NEGR1: variants seen among roughly 807,000 people sequenced by gnomAD.
NEGR1 encodes the protein neuronal growth regulator 1, also known as IgLON family member 4.
In NEGR1, 10 loss-of-function variants were observed where a neutral mutation model predicts 40.9. The ratio of observed to expected loss-of-function variants is 0.24; its 90% confidence interval spans 0.15 to 0.42. The LOEUF is 0.42. Ranked by LOEUF, NEGR1 falls within the 10% of genes least tolerant of loss-of-function variation. NEGR1 has a pLI of 1.00. For missense variants in NEGR1, 352 were observed against 438.9 expected, an observed-to-expected ratio of 0.80 and a Z score of 1.77; for synonymous variants, 185 against 166.8, an observed-to-expected ratio of 1.11 and a Z score of -0.84.
chr1:71,454,717 G>C (rs1237277640), intron 6 of NEGR1, among the ~76,000 whole-genome samples: 1 of 152,172 alleles, frequency 6.6e-6, no homozygotes, highest in African/African-American at 2.4e-5. Flanking sequence ...AATTATGTAA[G>C]CTTGAACAGA....
intron 1 of NEGR1, among the ~76,000 whole-genome samples, chr1:72,154,040 G>A (rs180735315): frequency 1.3e-5 from 2 of 151,860 alleles, no homozygotes; most frequent in African/African-American, 4.8e-5. Context: ...AGTGTTGAAT[G>A]AGTGGAGACA....
intron 4 of NEGR1, among the ~76,000 whole-genome samples, chr1:71,676,763 C>T (rs1652654665): frequency 6.6e-6 from 1 of 152,142 alleles, no homozygotes; most frequent in Non-Finnish European, 1.5e-5. Context: ...TCTAAGCCCC[C>T]TTTATAGATC....
At chr1:72,042,866 C>T (rs1646968351) in intron 1 of NEGR1, among the ~76,000 whole-genome samples, 1 of 151,986 alleles carries the variant, frequency 6.6e-6, no homozygotes, top group African/African-American at 2.4e-5. Context: ...TCTAAACTAG[C>T]TATAACCCAA....
intron 1 of NEGR1, among the ~76,000 whole-genome samples, chr1:71,960,084 C>G (rs1026687098): frequency 6.6e-6 from 1 of 151,988 alleles, no homozygotes; most frequent in African/African-American, 2.4e-5. Context: ...GCATATATTC[C>G]CTTTGAAAGG....
chr1:71,765,855 G>A (rs1266999744), intron 3 of NEGR1, among the ~76,000 whole-genome samples: 1 of 152,098 alleles, frequency 6.6e-6, no homozygotes, highest in African/African-American at 2.4e-5. Flanking sequence ...AAACAAAAGT[G>A]AGCAGTGTCA....
chr1:72,070,130 T>G (rs915145587), intron 1 of NEGR1, among the ~76,000 whole-genome samples: 1 of 152,064 alleles, frequency 6.6e-6, no homozygotes, highest in African/African-American at 2.4e-5. Context: ...ATGTATTTAA[T>G]ATTTAAAATA....
chr1:71,772,713 T>C (rs1181598267), intron 3 of NEGR1, among the ~76,000 whole-genome samples: 3 of 152,112 alleles, frequency 2.0e-5, no homozygotes, highest in Non-Finnish European at 4.4e-5. Context: ...AACACGGAGA[T>C]ATCTAGAGAT....
intron 6 of NEGR1, among the ~76,000 whole-genome samples, chr1:71,418,241 G>GCACATTTT (rs1052266998): frequency 2.6e-5 from 4 of 151,564 alleles, no homozygotes; most frequent in Non-Finnish European, 4.4e-5. Context: ...GGTAGAGAAT[G>GCACATTTT]CAACTTTCAA....
At chr1:71,476,633 A>T (rs928160003) in intron 6 of NEGR1, among the ~76,000 whole-genome samples, 1 of 152,104 alleles carries the variant, frequency 6.6e-6, no homozygotes, top group Non-Finnish European at 1.5e-5. Flanking sequence ...CATTTAGGTG[A>T]CCAACTGTGT....
intron 2 of NEGR1, among the ~76,000 whole-genome samples, chr1:71,928,313 T>C (rs1273865034): frequency 5.4e-5 from 6 of 110,608 alleles, no homozygotes; most frequent in African/African-American, 9.5e-5. Context: ...TATACACACA[T>C]ATGTATATAC....
chr1:71,578,205 C>T (rs537213401), intron 6 of NEGR1, among the ~76,000 whole-genome samples: 11 of 152,234 alleles, frequency 7.2e-5, no homozygotes, highest in East Asian at 3.9e-4. Context: ...GCTCTCTCAT[C>T]GTGCTCCTAT....
At chr1:71,664,658 T>C (rs1481246403) in intron 4 of NEGR1, among the ~76,000 whole-genome samples, 1 of 152,114 alleles carries the variant, frequency 6.6e-6, no homozygotes, top group Non-Finnish European at 1.5e-5. Context: ...TGAAACCTTA[T>C]GAAAATTCAT....
intron 6 of NEGR1, among the ~76,000 whole-genome samples, chr1:71,556,947 T>G (rs1366066954): frequency 3.3e-5 from 5 of 151,670 alleles, no homozygotes; most frequent in Non-Finnish European, 7.4e-5. Context: ...ATTTTTATTT[T>G]GCGTGAAGTG....
At chr1:71,455,732 A>G (rs1285615515) in intron 6 of NEGR1, among the ~76,000 whole-genome samples, 1 of 152,070 alleles carries the variant, frequency 6.6e-6, no homozygotes, top group East Asian at 1.9e-4. Context: ...TCAAAAAAAA[A>G]TCTTTTGAGT....
intron 6 of NEGR1, among the ~76,000 whole-genome samples, chr1:71,524,825 G>T (rs1647198247): frequency 6.6e-6 from 1 of 151,764 alleles, no homozygotes; most frequent in Non-Finnish European, 1.5e-5. Context: ...AAGAGTCAGT[G>T]TCACCGTGAT....
intron 2 of NEGR1, among the ~76,000 whole-genome samples, chr1:71,785,968 C>G (rs1327732041): frequency 6.6e-6 from 1 of 152,112 alleles, no homozygotes; most frequent in Non-Finnish European, 1.5e-5. Flanking sequence ...GTGTTTTATG[C>G]ATTTGCAGAG....
At chr1:72,108,343 C>G (rs568615894) in intron 1 of NEGR1, among the ~76,000 whole-genome samples, 19 of 151,472 alleles carry the variant, frequency 1.3e-4, no homozygotes, top group Non-Finnish European at 2.4e-4. Context: ...AAGACATTTC[C>G]TATAGTTGTA....
At chr1:71,691,024 A>G (rs565792058) in intron 4 of NEGR1, among the ~76,000 whole-genome samples, 1 of 152,116 alleles carries the variant, frequency 6.6e-6, no homozygotes, top group East Asian at 1.9e-4. Flanking sequence ...AACAAAAGGC[A>G]AAAGATCACT....
At chr1:71,548,345 G>C (rs1209064501) in intron 6 of NEGR1, among the ~76,000 whole-genome samples, 1 of 151,640 alleles carries the variant, frequency 6.6e-6, no homozygotes, top group Admixed American at 6.6e-5. Context: ...ACACTTCACT[G>C]TGATACCTTC....
Sources: allele counts gnomAD v4.1 joint callset (sites outside exome capture counted in the v4.1 genomes callset), GRCh38; gene constraint gnomAD v4.1.1; transcripts MANE v1.5; gene names NCBI Gene and HGNC (gene_info 2026-07-23, HGNC 2026-07-21).